SYT16: variants seen among roughly 807,000 people sequenced by gnomAD.
The protein encoded by SYT16 is synaptotagmin 16, also known as synaptotagmin-16.
In SYT16, 42 loss-of-function variants were observed where a neutral mutation model predicts 61.4. That is an observed-to-expected ratio of 0.68 (90% confidence interval 0.53 to 0.89). SYT16 has a LOEUF of 0.89. SYT16 is among the 40% of genes least tolerant of loss of function. The pLI, the probability that SYT16 is intolerant of heterozygous loss-of-function variation, is 0.00. For missense variants in SYT16, 804 were observed against 807.3 expected, an observed-to-expected ratio of 1.00 and a Z score of 0.05; for synonymous variants, 314 against 302.3, an observed-to-expected ratio of 1.04 and a Z score of -0.40.
rs148532273 is a variant in SYT16 at position 62,056,737 on chromosome 14, C to T, written c.524-12866C>T. Among the ~76,000 whole-genome samples, 1,362 of 152,250 alleles carry T rather than the reference C, an allele frequency of 8.9e-3. 18 individuals carry two copies. The highest frequency in any genetic ancestry group is 0.031 in the African/African-American group (1,307 of 41,538). ...AGTCTTCACCAAATACCCATTCAGG[C>T]TCCTTGAATTTTCTACTCTGTGCAC... On this transcript the variant is annotated intron_variant, in intron 3 of 7. Transcript: ENST00000683842.
At chr14:61,854,994 C>T (rs1390938897) in intron 1 of SYT16, among the ~76,000 whole-genome samples, 19 of 152,108 alleles carry the variant, frequency 1.2e-4, no homozygotes, top group Admixed American at 1.2e-3. Flanking sequence ...GTTTTTCTCT[C>T]ATCACACTTG....
At chr14:61,937,428 G>A (rs924737646) in intron 1 of SYT16, among the ~76,000 whole-genome samples, 4 of 152,216 alleles carry the variant, frequency 2.6e-5, no homozygotes, top group African/African-American at 9.6e-5. Flanking sequence ...GTACATAGGA[G>A]CTGTAAGACT....
chr14:61,816,223 A>C (rs971989393), intron 1 of SYT16, among the ~76,000 whole-genome samples: 2 of 147,382 alleles, frequency 1.4e-5, no homozygotes, highest in African/African-American at 5.0e-5. Context: ...CTTGTTGGCA[A>C]CCTGCAGTTT....
intron 7 of SYT16, among the ~76,000 whole-genome samples, chr14:62,084,658 T>A (rs1410257198): frequency 6.6e-6 from 1 of 152,190 alleles, no homozygotes; most frequent in African/African-American, 2.4e-5. Flanking sequence ...AGCAACATAA[T>A]GTGTATGGGC....
chr14:61,921,597 C>T (rs2049337640), intron 1 of SYT16, among the ~76,000 whole-genome samples: 1 of 152,186 alleles, frequency 6.6e-6, no homozygotes, highest in African/African-American at 2.4e-5. Flanking sequence ...ACTGGTGTCA[C>T]CTGGGGTTGT....
At chr14:62,083,162 G>A (rs1208730662) in intron 6 of SYT16, among the ~76,000 whole-genome samples, 6 of 148,142 alleles carry the variant, frequency 4.1e-5, no homozygotes, top group East Asian at 4.0e-4. Context: ...GGTGGGGGGC[G>A]CTCTGCAGAA....
chr14:61,915,217 G>A (rs1372470869), intron 1 of SYT16, among the ~76,000 whole-genome samples: 1 of 152,116 alleles, frequency 6.6e-6, no homozygotes, highest in African/African-American at 2.4e-5. Flanking sequence ...GTGGTTAGAT[G>A]AACATGGCTT....
intron 1 of SYT16, chr14:61,865,395 G>T: frequency 1.6e-6 from 1 of 620,224 alleles, no homozygotes; most frequent in Admixed American, 1.9e-5. Flanking sequence ...TCATTTATGT[G>T]ATTTACAAAC....
At chr14:61,890,015 C>G (rs1204229951) in intron 1 of SYT16, among the ~76,000 whole-genome samples, 3 of 152,042 alleles carry the variant, frequency 2.0e-5, no homozygotes, top group African/African-American at 7.3e-5. Context: ...GACATACAAT[C>G]AGGCCAGATT....
At chr14:61,831,775 G>T in intron 1 of SYT16, 1 of 204,372 alleles carries the variant, frequency 4.9e-6, no homozygotes, top group South Asian at 1.1e-4. Flanking sequence ...CAGTGGTACT[G>T]TTTGGCATAA....
chr14:62,048,031 G>A (rs1014289675), intron 3 of SYT16, among the ~76,000 whole-genome samples: 3 of 152,214 alleles, frequency 2.0e-5, no homozygotes, highest in African/African-American at 7.2e-5. Context: ...CTATTGATTG[G>A]AATAGTTTCA....
rs560494305 is a variant in SYT16, at chr14:62,110,098, T to C, written c.*9391T>C. The C allele has an allele frequency of 6.6e-6, 1 of 152,294 alleles. No individual in the cohort carries two copies. Among genetic ancestry groups the C allele is most frequent in the Non-Finnish European group, 1.5e-5 (1 of 68,008 alleles). The allele number at this position is 152,294 out of a possible 1,614,324, so 9.4% of individuals were successfully genotyped here. On this transcript the variant is annotated 3_prime_UTR_variant, in exon 8 of 8. Transcript: ENST00000683842. ...TATTTATATGTCTTCTGACTGCCCT[T>C]TGCTTTGTAGCTACAGCAACTTGCA... is the stretch of plus-strand genomic sequence containing the variant.
intron 7 of SYT16, among the ~76,000 whole-genome samples, chr14:62,090,556 A>G (rs1421356498): frequency 6.6e-6 from 1 of 152,212 alleles, no homozygotes; most frequent in Non-Finnish European, 1.5e-5. Context: ...AATATAGTGT[A>G]TTAAGAGCCA....
chr14:62,051,535 G>T (rs6573415), intron 3 of SYT16, among the ~76,000 whole-genome samples: 1 of 152,134 alleles, frequency 6.6e-6, no homozygotes, highest in Non-Finnish European at 1.5e-5. Context: ...AGTTGGAAAT[G>T]CAGAAATCAC....
chr14:61,892,323 C>T (rs7148769), intron 1 of SYT16, among the ~76,000 whole-genome samples: 23,365 of 152,032 alleles, frequency 0.15, 2,182 homozygotes, highest in East Asian at 0.28. Flanking sequence ...CTGCTACTCT[C>T]GCCCCGTCTG....
chr14:61,894,921 G>A (rs1247297373), intron 1 of SYT16, among the ~76,000 whole-genome samples: 1 of 152,148 alleles, frequency 6.6e-6, no homozygotes, highest in South Asian at 2.1e-4. Flanking sequence ...TGGCTTGTTG[G>A]GGGGCAGTTT....
intron 1 of SYT16, among the ~76,000 whole-genome samples, chr14:61,879,487 A>G (rs549500011): frequency 6.6e-6 from 1 of 152,272 alleles, no homozygotes; most frequent in African/African-American, 2.4e-5. Context: ...TGCATGATCT[A>G]TGATTTTAGG....
At chr14:62,000,277 T>C (rs926637253) in intron 3 of SYT16, among the ~76,000 whole-genome samples, 1 of 151,738 alleles carries the variant, frequency 6.6e-6, no homozygotes, top group Non-Finnish European at 1.5e-5. Flanking sequence ...ATTAGAAATA[T>C]GTATCTTCTT....
At chr14:62,015,968 A>C (rs2053657002) in intron 3 of SYT16, among the ~76,000 whole-genome samples, 1 of 152,210 alleles carries the variant, frequency 6.6e-6, no homozygotes, top group South Asian at 2.1e-4. Flanking sequence ...AAGACATATG[A>C]GTCCTTCCCC....
Sources: allele counts gnomAD v4.1 joint callset (sites outside exome capture counted in the v4.1 genomes callset), GRCh38; gene constraint gnomAD v4.1.1; transcripts MANE v1.5; gene names NCBI Gene and HGNC (gene_info 2026-07-23, HGNC 2026-07-21).